Variants in ANKS1B observed in about 807,000 individuals in gnomAD.
The protein encoded by ANKS1B is ankyrin repeat and sterile alpha motif domain-containing protein 1B.
Under a neutral mutation model 148.3 loss-of-function variants are expected in ANKS1B, and 36 were observed. The observed-to-expected ratio is 0.24, with a 90% CI of 0.19 to 0.32. The LOEUF (loss-of-function observed/expected upper bound fraction) is 0.32. Ranked by LOEUF, ANKS1B falls within the 10% of genes least tolerant of loss-of-function variation. The pLI is 1.00. For missense variants in ANKS1B, 1,157 were observed against 1,542.6 expected, an observed-to-expected ratio of 0.75 and a Z score of 4.19; for synonymous variants, 542 against 560.8, an observed-to-expected ratio of 0.97 and a Z score of 0.47.
At chr12:99,030,685 T>C (rs187604384) in intron 17 of ANKS1B, among the ~76,000 whole-genome samples, 35 of 152,290 alleles carry the variant, frequency 2.3e-4, no homozygotes, top group African/African-American at 7.7e-4. Flanking sequence ...ACTATAACTG[T>C]TAACTTGCTT....
intron 9 of ANKS1B, among the ~76,000 whole-genome samples, chr12:99,526,678 A>C (rs980823162): frequency 2.0e-5 from 3 of 152,150 alleles, no homozygotes; most frequent in African/African-American, 7.2e-5. Flanking sequence ...TCAAAATTGG[A>C]GGTACCAATT....
At chr12:99,410,307 G>A (rs931345968) in intron 11 of ANKS1B, among the ~76,000 whole-genome samples, 7 of 151,494 alleles carry the variant, frequency 4.6e-5, no homozygotes, top group Non-Finnish European at 1.0e-4. Context: ...CCTTATGAAC[G>A]AAGACTTAAC....
chr12:99,190,632 C>T (rs1179217965), intron 14 of ANKS1B, among the ~76,000 whole-genome samples: 2 of 152,200 alleles, frequency 1.3e-5, no homozygotes, highest in African/African-American at 2.4e-5. Flanking sequence ...GGAAAACTGG[C>T]TAGCCATATG....
At chr12:99,461,005 T>C (rs6650214) in intron 10 of ANKS1B, among the ~76,000 whole-genome samples, 1,619 of 151,908 alleles carry the variant, frequency 0.011, 31 homozygotes, top group African/African-American at 0.037. Context: ...CAAATGCCCA[T>C]CAATCAACGA....
intron 9 of ANKS1B, among the ~76,000 whole-genome samples, chr12:99,626,257 C>T (rs922352522): frequency 6.6e-6 from 1 of 152,072 alleles, no homozygotes; most frequent in African/African-American, 2.4e-5. Context: ...AACAACCAGC[C>T]CCTAAAATAT....
chr12:99,372,231 T>C (rs1024599044), intron 12 of ANKS1B, among the ~76,000 whole-genome samples: 23 of 151,514 alleles, frequency 1.5e-4, no homozygotes, highest in African/African-American at 4.4e-4. Flanking sequence ...TTGTGGGGAG[T>C]AGGGAAATAT....
chr12:99,929,767 T>C (rs951988335), intron 1 of ANKS1B, among the ~76,000 whole-genome samples: 2 of 152,184 alleles, frequency 1.3e-5, no homozygotes, highest in Non-Finnish European at 2.9e-5. Context: ...CCTTTCCCCA[T>C]TGCTTGTTTT....
At chr12:99,040,074 T>C (rs2099957978) in intron 17 of ANKS1B, among the ~76,000 whole-genome samples, 1 of 152,086 alleles carries the variant, frequency 6.6e-6, no homozygotes, top group Admixed American at 6.5e-5. Flanking sequence ...CCACCTGGGG[T>C]CTGCTTATTT....
At chr12:99,766,519 T>C (rs1052898458) in intron 8 of ANKS1B, among the ~76,000 whole-genome samples, 4 of 152,142 alleles carry the variant, frequency 2.6e-5, no homozygotes, top group African/African-American at 7.2e-5. Context: ...CTACAGTACA[T>C]ACGTGTGGTT....
intron 8 of ANKS1B, among the ~76,000 whole-genome samples, chr12:99,693,090 T>C (rs2053363785): frequency 6.6e-6 from 1 of 152,030 alleles, no homozygotes; most frequent in Admixed American, 6.6e-5. Flanking sequence ...AAGAGGAGTT[T>C]GCAAAGGAGA....
In ANKS1B at chr12:99,327,345, T is replaced by C. The variant is rs1342366396; in HGVS notation, c.1756+72286A>G. ...ACATATTATATATAATTATATATTA[T>C]AATTACATATTATATATAATTACAT... is the stretch of plus-strand genomic sequence containing the variant. On this transcript the variant is annotated intron_variant, in intron 12 of 26. Coordinates refer to ENST00000683438, the MANE Select transcript of ANKS1B (RefSeq NM_001352186.2). Among the ~76,000 whole-genome samples the C allele has an allele frequency of 2.6e-5, 3 of 114,260 alleles. No homozygotes were observed. In the East Asian group the frequency reaches 7.1e-4, roughly 27 times the overall value. 75.0% of individuals were successfully genotyped at this position (114,260 alleles called of 152,430 possible).
At chr12:99,012,422 C>T (rs1253647893) in intron 17 of ANKS1B, among the ~76,000 whole-genome samples, 1 of 152,182 alleles carries the variant, frequency 6.6e-6, no homozygotes, top group African/African-American at 2.4e-5. Context: ...TTCACTACTG[C>T]AATTTCTAAG....
At chr12:99,125,841 A>G (rs2153737078) in intron 15 of ANKS1B, among the ~76,000 whole-genome samples, 1 of 152,278 alleles carries the variant, frequency 6.6e-6, no homozygotes, top group East Asian at 1.9e-4. Context: ...AGGTCTGATA[A>G]ATACCTGATA....
At chr12:99,335,923 T>G (rs1048215070) in intron 12 of ANKS1B, among the ~76,000 whole-genome samples, 1 of 152,126 alleles carries the variant, frequency 6.6e-6, no homozygotes, top group Non-Finnish European at 1.5e-5. Context: ...GTTTTAATTT[T>G]TTGAAGAACC....
intron 15 of ANKS1B, among the ~76,000 whole-genome samples, chr12:99,138,307 A>G (rs2068839967): frequency 1.3e-5 from 2 of 152,228 alleles, no homozygotes; most frequent in South Asian, 4.1e-4. Flanking sequence ...TAATAGGTGA[A>G]TAAATCATTT....
chr12:99,435,231 T>C (rs1305525957), intron 11 of ANKS1B, among the ~76,000 whole-genome samples: 1 of 152,060 alleles, frequency 6.6e-6, no homozygotes, highest in Non-Finnish European at 1.5e-5. Context: ...GACCCTGTAC[T>C]GTGCCATTTA....
intron 12 of ANKS1B, among the ~76,000 whole-genome samples, chr12:99,262,284 G>T (rs1327713620): frequency 2.6e-5 from 4 of 151,966 alleles, no homozygotes; most frequent in Non-Finnish European, 4.4e-5. Context: ...TAGGAGGAGA[G>T]ACATTTTTGT....
chr12:99,817,785 C>T (rs896879788), intron 2 of ANKS1B, among the ~76,000 whole-genome samples: 3 of 151,584 alleles, frequency 2.0e-5, no homozygotes, highest in African/African-American at 7.3e-5. Flanking sequence ...TTTTCATATG[C>T]CTGTTGGTCA....
intron 15 of ANKS1B, among the ~76,000 whole-genome samples, chr12:99,112,171 T>C (rs2060421797): frequency 6.6e-6 from 1 of 152,142 alleles, no homozygotes. Context: ...AACTCCACAG[T>C]GAAGCTGAAA....
Sources: gnomAD v4.1 joint callset for allele counts (sites outside exome capture counted in the v4.1 genomes callset) on GRCh38, gnomAD v4.1.1 for gene constraint, MANE v1.5 for transcripts, NCBI Gene and HGNC (gene_info 2026-07-23, HGNC 2026-07-21) for gene names.